Variants in AKAP13 observed in about 807,000 individuals in gnomAD.
AKAP13 encodes A-kinase anchor protein 13.
A neutral mutation model predicts 264.5 loss-of-function variants in AKAP13; 80 were observed. The ratio of observed to expected loss-of-function variants is 0.30; its 90% CI spans 0.25 to 0.36. AKAP13 has a LOEUF of 0.36. Ranked by LOEUF, AKAP13 falls within the 10% of genes least tolerant of loss-of-function variation. The pLI is 1.00. For missense variants in AKAP13, 3,712 were observed against 3,435.2 expected, an observed-to-expected ratio of 1.08 and a Z score of -2.01; for synonymous variants, 1,380 against 1,250.2, an observed-to-expected ratio of 1.10 and a Z score of -2.19.
chr15:85,645,202 C>G (rs2082497952), intron 9 of AKAP13, among the ~76,000 whole-genome samples: 1 of 152,182 alleles, frequency 6.6e-6, no homozygotes, highest in Non-Finnish European at 1.5e-5. Flanking sequence ...TTTTAGGCTT[C>G]CTCAATGTAC....
At chr15:85,637,652 C>T (rs1020225699) in intron 8 of AKAP13, among the ~76,000 whole-genome samples, 4 of 151,692 alleles carry the variant, frequency 2.6e-5, no homozygotes, top group Non-Finnish European at 5.9e-5. Context: ...TTTCTTTATC[C>T]TGCTTGCTTT....
intron 2 of AKAP13, among the ~76,000 whole-genome samples, chr15:85,507,145 T>G (rs2076250394): frequency 6.6e-6 from 1 of 152,234 alleles, no homozygotes; most frequent in Non-Finnish European, 1.5e-5. Flanking sequence ...ACTGTAACTG[T>G]ATGTTGGCAT....
intron 8 of AKAP13, chr15:85,619,389 A>G (rs1488676318): frequency 2.0e-6 from 2 of 984,790 alleles, no homozygotes; most frequent in Non-Finnish European, 2.4e-6. Flanking sequence ...GTGGTCTTTT[A>G]TTTTTTTCCC....
Position 85,582,209 on chromosome 15 carries a change from G to A in AKAP13, c.4039+102G>A, listed in dbSNP as rs1406884163. 1.1e-5 allele frequency: 15 copies of A among 1,305,232 alleles called. No individual in the cohort carries two copies. In the South Asian group the frequency reaches 2.2e-4, roughly 19 times the overall value. The allele number at this position is 1,305,232 out of a possible 1,614,324, so 80.9% of individuals were successfully genotyped here. On this transcript the variant is annotated intron_variant, in intron 7 of 36. Transcript: ENST00000394518. Reference sequence around the variant, plus strand: ...ATATAGGCATCTTTGTTGTTTTGAGGCCTTGCACTCATTGGGTAGGTAGCC... The same window carrying A: ...ATATAGGCATCTTTGTTGTTTTGAGACCTTGCACTCATTGGGTAGGTAGCC...
chr15:85,674,131 G>T (rs891498684), intron 14 of AKAP13, among the ~76,000 whole-genome samples: 4 of 151,778 alleles, frequency 2.6e-5, no homozygotes, highest in African/African-American at 9.7e-5. Context: ...AATTGGACCC[G>T]TTAGACGTTT....
chr15:85,520,178 A>G (rs887753187), intron 2 of AKAP13, among the ~76,000 whole-genome samples: 1 of 152,004 alleles, frequency 6.6e-6, no homozygotes, highest in African/African-American at 2.4e-5. Context: ...ATTTAAAAAA[A>G]AAATCAATAT....
At position 85,747,963 on chromosome 15, in the gene AKAP13, T is replaced by A. The variant is rs970251574; in HGVS notation, c.*3286T>A. ...TGAGACCTTTGGCGTTGTTTCTTGATGTGGGAGGGGAGGTGTTAGTGCATG... is the reference window on the plus strand; with the variant it reads ...TGAGACCTTTGGCGTTGTTTCTTGAAGTGGGAGGGGAGGTGTTAGTGCATG... On this transcript the variant is annotated 3_prime_UTR_variant, in exon 37 of 37. Transcript: ENST00000394518. 2 of 152,776 alleles carry A rather than the reference T, an allele frequency of 1.3e-5. No homozygotes were observed. Among genetic ancestry groups the A allele is most frequent in the Non-Finnish European group, 2.9e-5 (2 of 68,028 alleles). The allele number at this position is 152,776 out of a possible 1,614,324, so 9.5% of individuals were successfully genotyped here.
chr15:85,727,541 TA>T lies in AKAP13; in HGVS notation c.7087+79del. 6.5e-7 allele frequency: 1 copy of T among 1,530,662 alleles called. No individual in the cohort carries two copies. The highest frequency in any genetic ancestry group is 2.4e-5 in the East Asian group (1 of 42,524). The allele number at this position is 1,530,662 out of a possible 1,614,324, so 94.8% of individuals were successfully genotyped here. The stretch of plus-strand genomic sequence containing the variant: ...GAAGACTGCTGGTGGATTTTAGAGG[TA>T]CGGGTTTGCCCTCAGTTCTAAAGCT... On this transcript the variant is annotated intron_variant, in intron 29 of 36. Coordinates refer to ENST00000394518, the MANE Select transcript of AKAP13 (RefSeq NM_007200.5). This position sits in a 1 kb window ranked among gnomAD's most constrained non-coding sequence, Gnocchi z 5.3.
At chr15:85,665,166 G>A (rs2083520991) in intron 13 of AKAP13, among the ~76,000 whole-genome samples, 5 of 152,146 alleles carry the variant, frequency 3.3e-5, no homozygotes, top group Admixed American at 3.3e-4. Context: ...TTGCACCACT[G>A]CACTCCAGCC....
intron 2 of AKAP13, among the ~76,000 whole-genome samples, chr15:85,508,314 T>G (rs916294027): frequency 1.3e-5 from 2 of 152,054 alleles, no homozygotes; most frequent in Non-Finnish European, 2.9e-5. Context: ...GGCTAATTTT[T>G]GTATTTTTTG....
At chr15:85,543,531 A>G (rs560967313) in intron 4 of AKAP13, among the ~76,000 whole-genome samples, 64 of 152,294 alleles carry the variant, frequency 4.2e-4, no homozygotes, top group African/African-American at 1.5e-3. Context: ...CTTTTGCAGG[A>G]CTGTGTTCGA....
At chr15:85,738,513 G>A (rs964816056) in intron 33 of AKAP13, among the ~76,000 whole-genome samples, 2 of 152,056 alleles carry the variant, frequency 1.3e-5, no homozygotes, top group African/African-American at 4.8e-5. Flanking sequence ...TGGTAGATAA[G>A]TAACATAAGT....
At chr15:85,531,916 ACACATTGCCCTGTTTATAGG>A (rs2077253571) in intron 3 of AKAP13, among the ~76,000 whole-genome samples, 1 of 152,122 alleles carries the variant, frequency 6.6e-6, no homozygotes, top group Non-Finnish European at 1.5e-5. Context: ...TCCTCTTCAA[ACACATTGCCCTGTTTATAGG>A]CAATGTGATA....
At chr15:85,596,899 G>A (rs2079846012) in intron 8 of AKAP13, among the ~76,000 whole-genome samples, 1 of 152,068 alleles carries the variant, frequency 6.6e-6, no homozygotes, top group African/African-American at 2.4e-5. Context: ...GGCACATCTG[G>A]GAAGTTTTTG....
intron 17 of AKAP13, among the ~76,000 whole-genome samples, chr15:85,700,424 C>T (rs1356037024): frequency 6.6e-6 from 1 of 152,172 alleles, no homozygotes; most frequent in African/African-American, 2.4e-5. Flanking sequence ...GCTAGAACCG[C>T]CTCTGGAGAG....
intron 5 of AKAP13, among the ~76,000 whole-genome samples, chr15:85,570,087 A>C (rs1422223310): frequency 1.3e-5 from 2 of 151,242 alleles, no homozygotes; most frequent in African/African-American, 4.9e-5. Context: ...AAAAAAAAAA[A>C]AAAAAAAACC....
intron 1 of AKAP13, among the ~76,000 whole-genome samples, chr15:85,411,663 T>A (rs963783873): frequency 2.0e-5 from 3 of 152,152 alleles, no homozygotes; most frequent in African/African-American, 7.2e-5. Context: ...GGTCTCGATC[T>A]CTTGACCTCG....
At chr15:85,656,056 G>A (rs1157701553) in intron 11 of AKAP13, among the ~76,000 whole-genome samples, 1 of 152,108 alleles carries the variant, frequency 6.6e-6, no homozygotes, top group Non-Finnish European at 1.5e-5. Flanking sequence ...ACAATGAAAT[G>A]TGATTGTCAT....
At chr15:85,475,898 G>T (rs986694663) in intron 1 of AKAP13, among the ~76,000 whole-genome samples, 2 of 152,182 alleles carry the variant, frequency 1.3e-5, no homozygotes, top group Non-Finnish European at 1.5e-5. Flanking sequence ...TTCATTGGGG[G>T]CTCAGTACTG....
Sources: allele counts gnomAD v4.1 joint callset (sites outside exome capture counted in the v4.1 genomes callset), GRCh38; gene constraint gnomAD v4.1.1; non-coding constraint Gnocchi (gnomAD v3.1); transcripts MANE v1.5; gene names NCBI Gene and HGNC (gene_info 2026-07-23, HGNC 2026-07-21).